VPS54: variants seen among roughly 807,000 people sequenced by gnomAD.
VPS54 encodes the protein vacuolar protein sorting-associated protein 54.
In VPS54, 45 loss-of-function variants were observed where a neutral mutation model predicts 121.5. That is an observed-to-expected ratio of 0.37 (90% confidence interval 0.29 to 0.47). The LOEUF (loss-of-function observed/expected upper bound fraction) is 0.47, where lower values mean the gene tolerates loss of function less well. Among genes scored for constraint, VPS54 ranks in the 20% least tolerant of loss-of-function variants. The probability of loss-of-function intolerance (pLI) is 0.99; values close to 1 mark genes in which losing one functional copy is unlikely to be tolerated. For missense variants in VPS54, 1,090 were observed against 1,131.4 expected (o/e 0.96, Z 0.52); for synonymous variants, 371 against 385.8 (o/e 0.96, Z 0.45).
At chr2:63,959,611 G>C (rs1211787154) in intron 7 of VPS54, among the ~76,000 whole-genome samples, 3 of 152,202 alleles carry the variant, frequency 2.0e-5, no homozygotes, top group African/African-American at 7.2e-5. Flanking sequence ...TTTTGGCCGA[G>C]CATGGTGGCT....
At chr2:63,967,735 A>AAAAAAAAAAAAAAAAAAAAG (rs1676072902) in intron 5 of VPS54, among the ~76,000 whole-genome samples, 1 of 149,368 alleles carries the variant, frequency 6.7e-6, no homozygotes, top group East Asian at 1.9e-4. Flanking sequence ...AAAAAAAAAA[A>AAAAAAAAAAAAAAAAAAAAG]TCTTATAAGG....
rs1672496029 is a variant in VPS54 at position 63,897,511 on chromosome 2, CCAT to C, written c.2810_2812del (p.Asp937del). Reference sequence around the variant, plus strand: ...AAAAACATACCCATTTTGAGGTCCTCCATCATTTATCACATTTAAGTGAGATAA... The same window carrying C: ...AAAAACATACCCATTTTGAGGTCCTCCATTTATCACATTTAAGTGAGATAA... On this transcript the variant is annotated inframe_deletion, in exon 22 of 23. Transcript: ENST00000272322. The C allele has an allele frequency of 1.3e-6, 2 of 1,596,892 alleles. No homozygotes were observed. Among genetic ancestry groups the C allele is most frequent in the African/African-American group, 1.3e-5 (1 of 74,212 alleles).
At chr2:63,928,966 T>G (rs560088521) in intron 12 of VPS54, among the ~76,000 whole-genome samples, 1 of 151,648 alleles carries the variant, frequency 6.6e-6, no homozygotes, top group Admixed American at 6.6e-5. Context: ...CAAGAAGAAC[T>G]AACTATCCTA....
chr2:63,974,919 T>C lies in VPS54; in HGVS notation c.379-2675A>G. On this transcript the variant is annotated intron_variant, in intron 3 of 22. Transcript: ENST00000272322. ...TAATTTTTATATATTTTATTTCCTTTTCTTATTACATTAGTTAGGACTTCC... is the reference window on the plus strand; with the variant it reads ...TAATTTTTATATATTTTATTTCCTTCTCTTATTACATTAGTTAGGACTTCC... 3 of 1,439,036 alleles carry C rather than the reference T, an allele frequency of 2.1e-6. No individual in the cohort carries two copies. The South Asian group carries it at 4.5e-5, about 21-fold the overall frequency. The allele number at this position is 1,439,036 out of a possible 1,614,324, so 89.1% of individuals were successfully genotyped here. A position where few individuals can be genotyped will look rare whatever the true frequency, so the allele number is the denominator to read the frequency against.
intron 12 of VPS54, among the ~76,000 whole-genome samples, chr2:63,931,710 G>A (rs1674213316): frequency 6.6e-6 from 1 of 152,168 alleles, no homozygotes; most frequent in South Asian, 2.1e-4. Context: ...TCATCAGAGT[G>A]AACAGGCAAC....
At chr2:63,957,869 C>G (rs7588342) in intron 7 of VPS54, among the ~76,000 whole-genome samples, 149,843 of 152,336 alleles carry the variant, frequency 0.98, 73,706 homozygotes, top group East Asian at 1. Flanking sequence ...AAAAAATACA[C>G]ATGCTCAAGC....
rs540692093 is a variant in VPS54, at chr2:63,893,869, G to C, written c.2829-334C>G. On this transcript the variant is annotated intron_variant, in intron 22 of 22. Transcript: ENST00000272322. The stretch of plus-strand genomic sequence containing the variant: ...GGCTAAACTAAAATGTTTTTGATTG[G>C]TTAGCACTAGAGTATGGGAGTGCTG... Among the ~76,000 whole-genome samples, 8 of 152,282 alleles carry C rather than the reference G, an allele frequency of 5.3e-5. No individual in the cohort carries two copies. In the East Asian group the frequency reaches 1.5e-3, roughly 29 times the overall value.
intron 12 of VPS54, among the ~76,000 whole-genome samples, chr2:63,929,114 A>C (rs1471841940): frequency 6.6e-6 from 1 of 152,214 alleles, no homozygotes; most frequent in Non-Finnish European, 1.5e-5. Context: ...AACACGACAG[A>C]AAATTAACAA....
At chr2:63,995,614 G>A (rs1382699297) in intron 1 of VPS54, among the ~76,000 whole-genome samples, 1 of 152,176 alleles carries the variant, frequency 6.6e-6, no homozygotes, top group Non-Finnish European at 1.5e-5. Context: ...TCCACCAAAT[G>A]TTGAATTCTC....
chr2:63,977,486 C>T (rs901613200), intron 3 of VPS54, among the ~76,000 whole-genome samples: 1 of 152,226 alleles, frequency 6.6e-6, no homozygotes, highest in Non-Finnish European at 1.5e-5. Flanking sequence ...TCCCCTGCCA[C>T]TTCAAGTCTA....
intron 1 of VPS54, among the ~76,000 whole-genome samples, chr2:63,984,248 G>C (rs941826743): frequency 6.6e-6 from 1 of 152,118 alleles, no homozygotes; most frequent in African/African-American, 2.4e-5. Flanking sequence ...TTTATTCAAA[G>C]TACAAAAAAT....
rs140548885 is a variant in VPS54, at chr2:63,909,731, T to G, written c.2625+2614A>C. ...CCTCGCCTGGCCGTTTTTGGTTTTT[T>G]TTTTTTTTTTGAGACAGAGTTTCAC... On this transcript the variant is annotated intron_variant, in intron 20 of 22. Coordinates refer to ENST00000272322, the MANE Select transcript of VPS54 (RefSeq NM_016516.3). Among the ~76,000 whole-genome samples, 73 of 105,952 alleles carry G rather than the reference T, an allele frequency of 6.9e-4. 1 individual carries two copies. Among genetic ancestry groups the G allele is most frequent in the Non-Finnish European group, 1.0e-3 (41 of 40,220 alleles). 69.5% of individuals were successfully genotyped at this position (105,952 alleles called of 152,430 possible). A position where few individuals can be genotyped will look rare whatever the true frequency, so the allele number is the denominator to read the frequency against.
intron 20 of VPS54, among the ~76,000 whole-genome samples, chr2:63,911,508 T>G (rs1673147939): frequency 2.0e-5 from 3 of 152,178 alleles, no homozygotes; most frequent in Non-Finnish European, 4.4e-5. Context: ...TTTACTCTCA[T>G]TCTCTCATGA....
chr2:63,993,797 C>A (rs1348586103), intron 1 of VPS54, among the ~76,000 whole-genome samples: 1 of 152,158 alleles, frequency 6.6e-6, no homozygotes, highest in Non-Finnish European at 1.5e-5. Context: ...TCAGCCCATT[C>A]CTGAGGCTGT....
At chr2:64,010,561 C>T (rs961913288) in intron 1 of VPS54, among the ~76,000 whole-genome samples, 1 of 152,170 alleles carries the variant, frequency 6.6e-6, no homozygotes. Flanking sequence ...TCAAATATCT[C>T]ATGTTCTAAG....
Position 63,934,124 on chromosome 2 carries a change from C to T in VPS54, c.1399-111G>A, listed in dbSNP as rs929302625. On this transcript the variant is annotated intron_variant, in intron 11 of 22. Coordinates refer to ENST00000272322, the MANE Select transcript of VPS54 (RefSeq NM_016516.3). The stretch of plus-strand genomic sequence containing the variant: ...TGGACATCTATAATCATAAATGAGT[C>T]AAAGTCATGTATATCAGAATTTCTA... The T allele has an allele frequency of 4.4e-6, 4 of 901,346 alleles. No individual in the cohort carries two copies. The African/African-American group carries it at 6.7e-5, about 15-fold the overall frequency. The allele number at this position is 901,346 out of a possible 1,614,324, so 55.8% of individuals were successfully genotyped here. A position where few individuals can be genotyped will look rare whatever the true frequency, so the allele number is the denominator to read the frequency against.
At chr2:63,900,374 A>T (rs1430958982) in intron 20 of VPS54, among the ~76,000 whole-genome samples, 1 of 152,146 alleles carries the variant, frequency 6.6e-6, no homozygotes, top group Non-Finnish European at 1.5e-5. Context: ...TTTTTCAGCA[A>T]TGTTCTGTGC....
At chr2:63,924,399 A>C (rs140431881) in intron 12 of VPS54, among the ~76,000 whole-genome samples, 75 of 152,352 alleles carry the variant, frequency 4.9e-4, no homozygotes, top group Non-Finnish European at 9.1e-4. Context: ...AAATATAAAC[A>C]AATCTACATG....
chr2:63,949,056 T>C lies in VPS54; in HGVS notation c.1118A>G (p.Asp373Gly). The C allele has an allele frequency of 6.2e-7, 1 of 1,611,336 alleles. No homozygotes were observed. ...HSDLNRPLEDDCQVLEEERLI... is the reference protein window; with the variant it reads ...HSDLNRPLEDGCQVLEEERLI... ...ACATACCTCTTCTAAAACTTGACAG[T>C]CATCTTCCAGTGGTCTATTTAAGTC... Residue 373 changes from aspartate to glycine, a missense_variant, in exon 8 of 23, where the codon GAC becomes GGC. This residue lies in a region of VPS54 where 801 missense variants were observed against 757.0 expected (regional missense o/e 1.06). Coordinates refer to ENST00000272322, the MANE Select transcript of VPS54 (RefSeq NM_016516.3).
Sources: gnomAD v4.1 joint callset for allele counts (sites outside exome capture counted in the v4.1 genomes callset) on GRCh38, gnomAD v4.1.1 for gene constraint, gnomAD v4.1.1 regional missense constraint, MANE v1.5 for transcripts, NCBI Gene and HGNC (gene_info 2026-07-23, HGNC 2026-07-21) for gene names.